Variants in LMAN2 observed in about 807,000 individuals in gnomAD.
LMAN2 encodes the protein vesicular integral-membrane protein VIP36.
In LMAN2, 22 loss-of-function variants were observed where a neutral mutation model predicts 39.3. The observed-to-expected ratio is 0.56, with a 90% confidence interval of 0.40 to 0.80. The LOEUF is 0.80. LMAN2 is among the 30% of genes least tolerant of loss of function. The pLI is 0.00. For missense variants in LMAN2, 494 were observed against 505.4 expected, an observed-to-expected ratio of 0.98 and a Z score of 0.22; for synonymous variants, 207 against 207.8, an observed-to-expected ratio of 1.00 and a Z score of 0.03.
intron 2 of LMAN2, among the ~76,000 whole-genome samples, chr5:177,339,359 C>T (rs1276932444): frequency 6.6e-6 from 1 of 152,228 alleles, no homozygotes. Context: ...TTCACCAGTT[C>T]ACCTCCCCAG....
At chr5:177,351,036 G>T in intron 2 of LMAN2, 137 bp downstream of exon 2, 2 of 757,168 alleles carry the variant, frequency 2.6e-6, no homozygotes, top group Non-Finnish European at 4.8e-6. Flanking sequence ...TCTTATTATT[G>T]GTGGGTGTGA....
intron 2 of LMAN2, among the ~76,000 whole-genome samples, chr5:177,341,254 C>T (rs986304409): frequency 6.6e-6 from 1 of 151,624 alleles, no homozygotes; most frequent in African/African-American, 2.4e-5. Context: ...TTAGTAGAGA[C>T]GGGGTTTCTC....
At chr5:177,346,826 C>G (rs536026643) in intron 2 of LMAN2, among the ~76,000 whole-genome samples, 1 of 152,040 alleles carries the variant, frequency 6.6e-6, no homozygotes, top group Non-Finnish European at 1.5e-5. Context: ...TTTAACAAAG[C>G]TCTCTTAGTA....
intron 2 of LMAN2, among the ~76,000 whole-genome samples, chr5:177,344,239 T>G (rs1297969398): frequency 6.6e-6 from 1 of 151,576 alleles, no homozygotes; most frequent in African/African-American, 2.4e-5. Flanking sequence ...AAAAAAATTT[T>G]TTTTTAATTT....
At chr5:177,350,342 G>A (rs368272452) in intron 2 of LMAN2, among the ~76,000 whole-genome samples, 2 of 152,326 alleles carry the variant, frequency 1.3e-5, no homozygotes, top group South Asian at 2.1e-4. Context: ...AGCAGGTCCC[G>A]CTCCAAGCTG....
At chr5:177,335,035 A>G (rs1372907995) in intron 6 of LMAN2, among the ~76,000 whole-genome samples, 5 of 152,196 alleles carry the variant, frequency 3.3e-5, no homozygotes, top group Non-Finnish European at 7.3e-5. Flanking sequence ...ACGCTGATGG[A>G]TCACCCAATT....
intron 2 of LMAN2, among the ~76,000 whole-genome samples, chr5:177,348,313 T>C (rs1761667690): frequency 6.6e-6 from 1 of 152,204 alleles, no homozygotes; most frequent in Admixed American, 6.5e-5. Context: ...GGTAGGCTAA[T>C]GAATAACATT....
chr5:177,335,539 G>C (rs1235427946), intron 6 of LMAN2, among the ~76,000 whole-genome samples: 1 of 152,156 alleles, frequency 6.6e-6, no homozygotes, highest in Non-Finnish European at 1.5e-5. Flanking sequence ...GTGCTGCTCT[G>C]CTCCTATCAA....
At position 177,337,005 on chromosome 5, in the gene LMAN2, G is replaced by GA. The variant is rs1014921802; in HGVS notation, c.790+130dup. The GA allele has an allele frequency of 8.8e-6, 6 of 679,292 alleles. No individual in the cohort carries two copies. Among genetic ancestry groups the GA allele is most frequent in the Non-Finnish European group, 1.5e-5 (6 of 389,564 alleles). 42.1% of individuals were successfully genotyped at this position (679,292 alleles called of 1,614,324 possible). A position where few individuals can be genotyped will look rare whatever the true frequency, so the allele number is the denominator to read the frequency against. On this transcript the variant is annotated intron_variant, in intron 6 of 7. Coordinates refer to ENST00000303127, the MANE Select transcript of LMAN2 (RefSeq NM_006816.3). The surrounding 1 kb of genome is among the most constrained non-coding windows in gnomAD (Gnocchi z 8.2). ...AGGCCCGGACAGGCCATTTACAGAA[G>GA]AAAGGAGGAGGAGGAACACAGCCAG...
intron 2 of LMAN2, among the ~76,000 whole-genome samples, chr5:177,342,552 T>G (rs1761572236): frequency 6.6e-6 from 1 of 151,812 alleles, no homozygotes; most frequent in African/African-American, 2.4e-5. Flanking sequence ...TGGGCCTGAC[T>G]GCGCATGCCT....
chr5:177,334,140 C>A, intron 7 of LMAN2, 144 bp downstream of exon 7: 1 of 1,375,450 alleles, frequency 7.3e-7, no homozygotes, highest in South Asian at 1.5e-5. Flanking sequence ...CCAGCCAGTG[C>A]CGCTTGCCAG....
At chr5:177,335,740 C>T (rs999146755) in intron 6 of LMAN2, among the ~76,000 whole-genome samples, 12 of 152,194 alleles carry the variant, frequency 7.9e-5, no homozygotes, top group South Asian at 2.1e-4. Flanking sequence ...GGGGTCTGAG[C>T]GGACCCAAGC....
chr5:177,351,236 C>A lies in LMAN2; in HGVS notation c.252G>T (p.Thr84=). The A allele has an allele frequency of 1.2e-6, 2 of 1,614,164 alleles. No homozygotes were observed. Among genetic ancestry groups the A allele is most frequent in the Admixed American group, 1.7e-5 (1 of 60,022 alleles). The part of the protein sequence containing the change: ...LWDFQGSTML[T]SQYVRLTPDE... ...CAGGGGTCAGACGTACGTACTGGCT[C>A]GTGAGCATAGTGCTGCCCTGGAAGT... The change falls in exon 2 of 8, where the codon ACG becomes ACT. Residue 84 remains threonine, a synonymous_variant. Transcript: ENST00000303127.
Position 177,337,804 on chromosome 5 carries a change from G to C in LMAN2, c.434-19C>G. On this transcript the variant is annotated intron_variant, in intron 3 of 7. Coordinates refer to ENST00000303127, the MANE Select transcript of LMAN2 (RefSeq NM_006816.3). The surrounding 1 kb of genome is among the most constrained non-coding windows in gnomAD (Gnocchi z 8.2). Reference sequence around the variant, plus strand: ...ACAGGCCCTAGAATTATAAGCAGATGCTCTCAGAATGGGAGAAACAGGAGC... The same window carrying C: ...ACAGGCCCTAGAATTATAAGCAGATCCTCTCAGAATGGGAGAAACAGGAGC... The C allele has an allele frequency of 6.2e-7, 1 of 1,610,978 alleles. No homozygotes were observed. Among genetic ancestry groups the C allele is most frequent in the East Asian group, 2.2e-5 (1 of 44,866 alleles).
At chr5:177,349,029 ATTT>A (rs925928671) in intron 2 of LMAN2, among the ~76,000 whole-genome samples, 1 of 152,178 alleles carries the variant, frequency 6.6e-6, no homozygotes, top group Non-Finnish European at 1.5e-5. Flanking sequence ...ATGACAAACA[ATTT>A]TTGATGCCAA....
chr5:177,333,140 C>T (rs974410381), intron 7 of LMAN2, among the ~76,000 whole-genome samples: 1 of 152,222 alleles, frequency 6.6e-6, no homozygotes, highest in Non-Finnish European at 1.5e-5. Flanking sequence ...TGACCGAACG[C>T]GGAGGTCCCT....
In LMAN2 at chr5:177,332,246, T is replaced by C. The variant is rs1180936049; in HGVS notation, c.911A>G (p.Asp304Gly). 6.2e-7 allele frequency: 1 copy of C among 1,611,890 alleles called. No individual in the cohort carries two copies. The highest frequency in any genetic ancestry group is 1.1e-5 in the South Asian group (1 of 90,948). The part of the protein sequence containing the change: ...PSVNFLKSPK[D>G]NVDDPTGNFR... ...GTTCCCCGTGGGGTCGTCCACGTTG[T>C]CTGGGGGAGAAGAAACGGGGGAGCT... The change falls in exon 8 of 8, where the codon GAC (aspartate) becomes GGC (glycine). Residue 304 changes from aspartate (D) to glycine (G), a missense_variant and splice_region_variant. By Grantham distance (94) the Asp-to-Gly change is moderately conservative. Transcript: ENST00000303127. The surrounding 1 kb of genome is among the most constrained non-coding windows in gnomAD (Gnocchi z 6.3).
intron 2 of LMAN2, among the ~76,000 whole-genome samples, chr5:177,349,933 G>C (rs1250721463): frequency 6.6e-6 from 1 of 152,172 alleles, no homozygotes; most frequent in Non-Finnish European, 1.5e-5. Flanking sequence ...CCCAGACAGA[G>C]GGAACAACAG....
chr5:177,335,849 G>C (rs923545738), intron 6 of LMAN2, among the ~76,000 whole-genome samples: 1 of 152,172 alleles, frequency 6.6e-6, no homozygotes, highest in African/African-American at 2.4e-5. Context: ...GGTCCCCCGT[G>C]TCACGTGCCA....
Sources: allele counts gnomAD v4.1 joint callset (sites outside exome capture counted in the v4.1 genomes callset), GRCh38; gene constraint gnomAD v4.1.1; non-coding constraint Gnocchi (gnomAD v3.1); transcripts MANE v1.5; gene names NCBI Gene and HGNC (gene_info 2026-07-23, HGNC 2026-07-21).